CTNNA1: variants seen among roughly 807,000 people sequenced by gnomAD.
CTNNA1 encodes catenin alpha-1.
A neutral mutation model predicts 98.4 loss-of-function variants in CTNNA1; 37 were observed. The observed-to-expected ratio is 0.38, with a 90% CI of 0.29 to 0.49. CTNNA1 has a LOEUF of 0.49. Ranked by LOEUF, CTNNA1 falls within the 20% of genes least tolerant of loss-of-function variation. CTNNA1 has a pLI of 0.95. For synonymous variants in CTNNA1, 404 were observed against 413.2 expected (o/e 0.98, Z 0.27); for missense variants, 761 against 1,147.2 (o/e 0.66, Z 4.86).
At chr5:138,911,298 T>C (rs2150187746) in intron 10 of CTNNA1, among the ~76,000 whole-genome samples, 1 of 152,298 alleles carries the variant, frequency 6.6e-6, no homozygotes, top group South Asian at 2.1e-4. Context: ...AGAGGCTCTT[T>C]AGGAAATTGC....
At chr5:138,879,761 T>A (rs1327077459) in intron 7 of CTNNA1, among the ~76,000 whole-genome samples, 7 of 152,196 alleles carry the variant, frequency 4.6e-5, no homozygotes, top group South Asian at 2.1e-4. Context: ...GCCAGCTGAT[T>A]TTGATTTTTA....
Position 138,874,917 on chromosome 5 carries a change from T to A in CTNNA1, c.1063-11295T>A, listed in dbSNP as rs1414049695. The A allele has an allele frequency of 1.9e-6, 3 of 1,613,610 alleles. No homozygotes were observed. In the East Asian group the frequency reaches 6.7e-5, roughly 36 times the overall value. ...AAATGCACAGACTTACCCATTCTTC[T>A]GAGCACATTGGAGGCTGCATTCAGT... On this transcript the variant is annotated intron_variant, in intron 7 of 17. Coordinates refer to ENST00000302763, the MANE Select transcript of CTNNA1 (RefSeq NM_001903.5). This position sits in a 1 kb window ranked among gnomAD's most constrained non-coding sequence, Gnocchi z 4.1.
At chr5:138,754,954 C>T (rs1176471566) in intron 1 of CTNNA1, 1 of 152,068 alleles carries the variant, frequency 6.6e-6, no homozygotes, top group Non-Finnish European at 1.5e-5. Context: ...GATGGTGTCT[C>T]GCTGTCTTGC....
In CTNNA1 at chr5:138,933,913, A is replaced by G. The variant is rs776231900; in HGVS notation, c.2545A>G (p.Met849Val). 1 of 1,614,200 alleles carries G rather than the reference A, an allele frequency of 6.2e-7. No individual in the cohort carries two copies. Among genetic ancestry groups the G allele is most frequent in the Non-Finnish European group, 8.5e-7 (1 of 1,180,028 alleles). ...TACCAAATACCAAAAGTCACAGGGT[A>G]TGGCTTCCCTCAACCTTCCTGCTGT... ...ASTKYQKSQG[M>V]ASLNLPAVSW... Residue 849 changes from methionine (M) to valine (V), a missense_variant, in exon 18 of 18, where the codon ATG becomes GTG. Physicochemically the swap from Met to Val is conservative, Grantham distance 21 (BLOSUM62 1). Around this residue, in one of 6 missense-constraint regions of CTNNA1, gnomAD observed 57 missense variants for 90.9 expected, o/e 0.63. Coordinates refer to ENST00000302763, the MANE Select transcript of CTNNA1 (RefSeq NM_001903.5).
At position 138,873,241 on chromosome 5, in the gene CTNNA1, T is replaced by C. The variant is rs1750859384; in HGVS notation, c.1063-12971T>C. ...GGCAGCACTTCCTGGAGATGAACACTATAAAAATAATAAAAAAGAAAGAAA... is the reference window on the plus strand; with the variant it reads ...GGCAGCACTTCCTGGAGATGAACACCATAAAAATAATAAAAAAGAAAGAAA... On this transcript the variant is annotated intron_variant, in intron 7 of 17. Coordinates refer to ENST00000302763, the MANE Select transcript of CTNNA1 (RefSeq NM_001903.5). This position sits in a 1 kb window ranked among gnomAD's most constrained non-coding sequence, Gnocchi z 6.1. 4 of 1,613,162 alleles carry C rather than the reference T, an allele frequency of 2.5e-6. No individual in the cohort carries two copies. The highest frequency in any genetic ancestry group is 3.4e-6 in the Non-Finnish European group (4 of 1,179,426).
chr5:138,766,947 T>C (rs1350426803), intron 1 of CTNNA1, among the ~76,000 whole-genome samples: 2 of 152,202 alleles, frequency 1.3e-5, no homozygotes, highest in African/African-American at 4.8e-5. Flanking sequence ...GTAGTTGTTA[T>C]GAACAGTAAG....
intron 3 of CTNNA1, among the ~76,000 whole-genome samples, chr5:138,807,282 A>G (rs1264399480): frequency 6.6e-6 from 1 of 151,956 alleles, no homozygotes; most frequent in Admixed American, 6.6e-5. Context: ...TCCTGGGATT[A>G]TAGGTGTGAG....
At chr5:138,786,513 G>A (rs1755729535) in intron 3 of CTNNA1, among the ~76,000 whole-genome samples, 1 of 152,044 alleles carries the variant, frequency 6.6e-6, no homozygotes, top group Admixed American at 6.6e-5. Flanking sequence ...CCTAACCCTT[G>A]AACATGGGTT....
chr5:138,829,357 A>G (rs1182675376), intron 7 of CTNNA1, among the ~76,000 whole-genome samples: 3 of 152,226 alleles, frequency 2.0e-5, no homozygotes, highest in African/African-American at 7.2e-5. Context: ...TAAGTGGATC[A>G]GTCATCTGCT....
intron 4 of CTNNA1, among the ~76,000 whole-genome samples, chr5:138,811,053 G>A (rs1237667939): frequency 6.6e-6 from 1 of 151,792 alleles, no homozygotes; most frequent in Non-Finnish European, 1.5e-5. Flanking sequence ...GGTGGCTGCC[G>A]GGCGGAGACG....
rs1751000253 is a variant in CTNNA1, at chr5:138,874,088, T to C, written c.1063-12124T>C. On this transcript the variant is annotated intron_variant, in intron 7 of 17. Transcript: ENST00000302763. This position sits in a 1 kb window ranked among gnomAD's most constrained non-coding sequence, Gnocchi z 4.1. ...GGAACGTAAATGCAAGGTCTGCAGC[T>C]TCCGAAGGCCATAGAAGAGCTCTGG... 1.2e-6 allele frequency: 2 copies of C among 1,613,770 alleles called. No individual in the cohort carries two copies. The highest frequency in any genetic ancestry group is 1.3e-5 in the African/African-American group (1 of 74,930).
At chr5:138,800,231 T>C (rs1409800064) in intron 3 of CTNNA1, among the ~76,000 whole-genome samples, 1 of 152,206 alleles carries the variant, frequency 6.6e-6, no homozygotes, top group Non-Finnish European at 1.5e-5. Flanking sequence ...AATAATTTTA[T>C]CTTGTCAACA....
intron 7 of CTNNA1, among the ~76,000 whole-genome samples, chr5:138,832,181 T>C (rs1761336528): frequency 1.3e-5 from 2 of 152,232 alleles, no homozygotes; most frequent in African/African-American, 4.8e-5. Flanking sequence ...CTAGCAGCCT[T>C]AATGTTATTG....
intron 5 of CTNNA1, among the ~76,000 whole-genome samples, chr5:138,814,414 C>T (rs1048799440): frequency 6.6e-6 from 1 of 152,106 alleles, no homozygotes; most frequent in Non-Finnish European, 1.5e-5. Context: ...TTGGCTTAGT[C>T]TCCATCATAT....
intron 1 of CTNNA1, chr5:138,754,422 T>C (rs1226458218): frequency 6.6e-6 from 1 of 152,170 alleles, no homozygotes; most frequent in Non-Finnish European, 1.5e-5. Context: ...CTCTTGCATC[T>C]TGGTGACATT....
intron 7 of CTNNA1, among the ~76,000 whole-genome samples, chr5:138,868,244 A>C (rs1277655617): frequency 2.6e-5 from 4 of 152,248 alleles, no homozygotes; most frequent in Admixed American, 2.6e-4. Flanking sequence ...ATTTTTGGGA[A>C]GTCAAAAGTT....
At chr5:138,805,799 C>T (rs1758025814) in intron 3 of CTNNA1, among the ~76,000 whole-genome samples, 2 of 150,970 alleles carry the variant, frequency 1.3e-5, no homozygotes, top group South Asian at 4.2e-4. Context: ...ATTCTGGATA[C>T]TAGATCCTTA....
chr5:138,775,031 G>A (rs1220174893), intron 1 of CTNNA1, among the ~76,000 whole-genome samples: 2 of 152,188 alleles, frequency 1.3e-5, no homozygotes, highest in African/African-American at 2.4e-5. Context: ...CTTTTTTTGA[G>A]AAAGTGAAAT....
chr5:138,827,420 T>C, intron 6 of CTNNA1, 95 bp from the exon 7 acceptor site: 1 of 1,374,458 alleles, frequency 7.3e-7, no homozygotes, highest in Non-Finnish European at 1.0e-6. Flanking sequence ...GGAATTTTTG[T>C]GTTAAATCTT....
Sources: allele counts gnomAD v4.1 joint callset (sites outside exome capture counted in the v4.1 genomes callset), GRCh38; gene constraint gnomAD v4.1.1; regional missense constraint gnomAD v4.1.1; non-coding constraint Gnocchi (gnomAD v3.1); transcripts MANE v1.5; gene names NCBI Gene and HGNC (gene_info 2026-07-23, HGNC 2026-07-21).